The following CDK15 variants were observed in gnomAD, a reference collection of about 807,000 sequenced individuals.
CDK15 encodes cyclin-dependent kinase 15.
A neutral mutation model predicts 60.3 loss-of-function variants in CDK15; 62 were observed. The ratio of observed to expected loss-of-function variants is 1.03; its 90% CI spans 0.84 to 1.27. The LOEUF (loss-of-function observed/expected upper bound fraction) is 1.27, where lower values mean the gene tolerates loss of function less well. Ranked by LOEUF, CDK15 falls within the 50% of genes most tolerant of loss-of-function variation. CDK15 has a pLI of 0.00. For missense variants in CDK15, 541 were observed against 527.8 expected, an observed-to-expected ratio of 1.03 and a Z score of -0.25; for synonymous variants, 194 against 195.7, an observed-to-expected ratio of 0.99 and a Z score of 0.07.
At chr2:201,847,316 A>G (rs760121736) in intron 8 of CDK15, 65 bp from the exon 9 acceptor site, 5 of 1,397,632 alleles carry the variant, frequency 3.6e-6, no homozygotes, top group East Asian at 4.6e-5. Context: ...GAGAAATTCT[A>G]GTAGTTCAGT....
Position 201,835,637 on chromosome 2 carries a change from G to T in CDK15, c.731-6G>T. 1 of 1,600,810 alleles carries T rather than the reference G, an allele frequency of 6.2e-7. No individual in the cohort carries two copies. Among genetic ancestry groups the T allele is most frequent in the Non-Finnish European group, 8.5e-7 (1 of 1,171,464 alleles). On this transcript the variant is annotated splice_polypyrimidine_tract_variant and splice_region_variant and intron_variant, in intron 7 of 13. Transcript: ENST00000652192. ...GATGGGTTTTATGCTTTTCCCTTTT[G>T]GACAGGTCTTGCCCGGGCCAAGTCC...
chr2:201,811,213 C>T (rs1409251026), intron 3 of CDK15, among the ~76,000 whole-genome samples: 1 of 150,242 alleles, frequency 6.7e-6, no homozygotes, highest in African/African-American at 2.5e-5. Flanking sequence ...TGCAGTGGCA[C>T]GATCTTGGCT....
At chr2:201,865,391 C>T (rs1698579577) in intron 10 of CDK15, among the ~76,000 whole-genome samples, 1 of 152,214 alleles carries the variant, frequency 6.6e-6, no homozygotes, top group Admixed American at 6.5e-5. Context: ...AAGGCCTGGT[C>T]TCTCCTTCCT....
At chr2:201,837,475 G>GAAGGAAGGAAGA (rs1697176148) in intron 8 of CDK15, among the ~76,000 whole-genome samples, 2 of 138,514 alleles carry the variant, frequency 1.4e-5, no homozygotes, top group Non-Finnish European at 1.6e-5. Context: ...AGGAAGGAAG[G>GAAGGAAGGAAGA]AAGGAAGGAA....
intron 11 of CDK15, among the ~76,000 whole-genome samples, chr2:201,875,320 T>G (rs1191512078): frequency 6.6e-6 from 1 of 152,228 alleles, no homozygotes; most frequent in Non-Finnish European, 1.5e-5. Context: ...AGCACGCTCT[T>G]AGGCTGCTGG....
chr2:201,817,068 G>A (rs1247754817), intron 4 of CDK15, among the ~76,000 whole-genome samples: 4 of 152,218 alleles, frequency 2.6e-5, no homozygotes, highest in Non-Finnish European at 4.4e-5. Context: ...GCTGAACACT[G>A]CTGCTTCAAT....
At chr2:201,844,955 C>T (rs1435534222) in intron 8 of CDK15, among the ~76,000 whole-genome samples, 1 of 152,124 alleles carries the variant, frequency 6.6e-6, no homozygotes, top group Non-Finnish European at 1.5e-5. Flanking sequence ...TTGAGACCAG[C>T]CTGGCGAACA....
chr2:201,891,042 C>T (rs943099370), intron 13 of CDK15, 115 bp downstream of exon 13: 1 of 577,336 alleles, frequency 1.7e-6, no homozygotes, highest in Admixed American at 3.2e-5. Flanking sequence ...TCTAGTTCTT[C>T]TTCGCCAGCT....
rs1471769325 is a variant in CDK15, at chr2:201,880,164, G to C, written c.1195G>C (p.Asp399His). The C allele has an allele frequency of 6.2e-7, 1 of 1,613,924 alleles. No individual in the cohort carries two copies. Among genetic ancestry groups the C allele is most frequent in the East Asian group, 2.2e-5 (1 of 44,862 alleles). The change falls in exon 12 of 14, where the codon GAT becomes CAT. Residue 399 changes from aspartate (D) to histidine (H), a missense_variant. By Grantham distance (81) the Asp-to-His change is moderately conservative (BLOSUM62 -1). Coordinates refer to ENST00000652192, the MANE Select transcript of CDK15 (RefSeq NM_001366386.2). ...ALPSQLYQLP[D>H]EESLFTVSGV... is the part of the protein sequence containing the mutation. ...GCCATCTCAGCTGTACCAGCTTCCT[G>C]ATGGTGAGCGAGGGAGTGTGTGCGT...
intron 12 of CDK15, among the ~76,000 whole-genome samples, chr2:201,885,705 A>C (rs1172403334): frequency 6.6e-6 from 1 of 152,206 alleles, no homozygotes; most frequent in Non-Finnish European, 1.5e-5. Context: ...CTCCAAGTAA[A>C]GATAAATAAT....
intron 4 of CDK15, 67 bp downstream of exon 4, chr2:201,812,629 C>T: frequency 2.1e-6 from 2 of 960,066 alleles, no homozygotes; most frequent in Non-Finnish European, 3.3e-6. Flanking sequence ...AAATGTATTG[C>T]ATTGATCCAT....
intron 12 of CDK15, among the ~76,000 whole-genome samples, chr2:201,884,301 G>A (rs376898434): frequency 6.6e-6 from 1 of 152,036 alleles, no homozygotes; most frequent in East Asian, 1.9e-4. Context: ...ACAGGTTTTA[G>A]CATCTTAGGG....
intron 9 of CDK15, chr2:201,854,660 G>A: frequency 1.8e-6 from 1 of 553,502 alleles, no homozygotes; most frequent in Non-Finnish European, 3.2e-6. Context: ...GCAGGCCCCG[G>A]ACCATAGGAA....
intron 6 of CDK15, among the ~76,000 whole-genome samples, chr2:201,824,000 T>A (rs1696352648): frequency 6.6e-6 from 1 of 152,188 alleles, no homozygotes; most frequent in Non-Finnish European, 1.5e-5. Flanking sequence ...CAAATGTGCC[T>A]TTAGATGAAT....
At chr2:201,878,706 C>G (rs941693601) in intron 11 of CDK15, among the ~76,000 whole-genome samples, 1 of 152,176 alleles carries the variant, frequency 6.6e-6, no homozygotes, top group African/African-American at 2.4e-5. Context: ...GTATTTCTCA[C>G]AGCTCTGGAG....
At chr2:201,844,312 G>T (rs914633256) in intron 8 of CDK15, among the ~76,000 whole-genome samples, 1 of 152,168 alleles carries the variant, frequency 6.6e-6, no homozygotes, top group Non-Finnish European at 1.5e-5. Flanking sequence ...GTCATGGGGG[G>T]CAGGGTGGAG....
At chr2:201,888,895 T>A in intron 12 of CDK15, 2 of 1,008,128 alleles carry the variant, frequency 2.0e-6, no homozygotes, top group Non-Finnish European at 2.4e-6. Context: ...TGGTAAAGTA[T>A]ACGCACTGTT....
At chr2:201,836,289 C>T (rs1171182029) in intron 8 of CDK15, among the ~76,000 whole-genome samples, 1 of 145,212 alleles carries the variant, frequency 6.9e-6, no homozygotes, top group Non-Finnish European at 1.5e-5. Flanking sequence ...CTGCAACCTC[C>T]ACCTCCCAGA....
At chr2:201,811,998 C>T (rs1265154954) in intron 3 of CDK15, among the ~76,000 whole-genome samples, 1 of 151,596 alleles carries the variant, frequency 6.6e-6, no homozygotes, top group Non-Finnish European at 1.5e-5. Context: ...AATGGTGAAA[C>T]CCCCATCTCT....
Sources: allele counts gnomAD v4.1 joint callset (sites outside exome capture counted in the v4.1 genomes callset), GRCh38; gene constraint gnomAD v4.1.1; transcripts MANE v1.5; gene names NCBI Gene and HGNC (gene_info 2026-07-23, HGNC 2026-07-21).